Variants in SYNE2 observed in about 807,000 individuals in gnomAD.
The protein encoded by SYNE2 is spectrin repeat containing nuclear envelope protein 2.
SYNE2 carries 431 observed loss-of-function variants against 856.3 expected under a neutral mutation model. The ratio of observed to expected loss-of-function variants is 0.50; its 90% CI spans 0.47 to 0.55. SYNE2 has a LOEUF of 0.55. SYNE2 is among the 20% of genes least tolerant of loss of function. The probability of loss-of-function intolerance (pLI) is 0.00; values close to 1 mark genes in which losing one functional copy is unlikely to be tolerated. For missense variants in SYNE2, 8,129 were observed against 8,023.2 expected, an observed-to-expected ratio of 1.01 and a Z score of -0.50; for synonymous variants, 2,923 against 2,872.3, an observed-to-expected ratio of 1.02 and a Z score of -0.56.
chr14:64,210,240 G>A, intron 103 of SYNE2, 116 bp downstream of exon 103: 1 of 1,341,886 alleles, frequency 7.5e-7, no homozygotes, highest in Non-Finnish European at 1.0e-6. Context: ...TCAGGCCTGA[G>A]CTGTTTTAAC....
chr14:63,938,264 T>C (rs137973271), intron 2 of SYNE2, among the ~76,000 whole-genome samples: 1 of 152,110 alleles, frequency 6.6e-6, no homozygotes, highest in African/African-American at 2.4e-5. Context: ...GAGACCAGCC[T>C]GGGTAACGTG....
chr14:64,026,476 C>A, intron 41 of SYNE2, 103 bp from the exon 42 acceptor site: 2 of 891,796 alleles, frequency 2.2e-6, no homozygotes, highest in South Asian at 2.9e-5. Flanking sequence ...TGAAATATAC[C>A]CTACAGATAG....
rs1280041047 is a variant in SYNE2 at position 64,099,244 on chromosome 14, G to C, written c.12381+423G>C. On this transcript the variant is annotated intron_variant, in intron 63 of 115. Coordinates refer to ENST00000555002, the MANE Select transcript of SYNE2 (RefSeq NM_182914.3). ...TGTTAGCAAGTAATACTAAGAATTT[G>C]TACTACTTGATTATAACTGGTTGAA... 3.3e-5 allele frequency: 7 copies of C among 211,292 alleles called. No homozygotes were observed. The East Asian group carries it at 8.8e-4, about 27-fold the overall frequency. The allele number at this position is 211,292 out of a possible 1,614,324, so 13.1% of individuals were successfully genotyped here.
intron 96 of SYNE2, among the ~76,000 whole-genome samples, chr14:64,183,598 C>G (rs568032107): frequency 2.6e-4 from 39 of 152,302 alleles, no homozygotes; most frequent in African/African-American, 8.2e-4. Context: ...GAGCCGAGAT[C>G]ACGCCACTGC....
intron 82 of SYNE2, among the ~76,000 whole-genome samples, chr14:64,143,414 C>T (rs990792521): frequency 7.9e-5 from 12 of 152,262 alleles, no homozygotes; most frequent in East Asian, 1.9e-4. Flanking sequence ...TGGTTGTTTC[C>T]GTGAGCCCTC....
chr14:63,936,889 G>A (rs1042649713), intron 2 of SYNE2, among the ~76,000 whole-genome samples: 1 of 152,118 alleles, frequency 6.6e-6, no homozygotes, highest in Non-Finnish European at 1.5e-5. Flanking sequence ...GTGGTGAGAA[G>A]TGGTCATATC....
intron 1 of SYNE2, among the ~76,000 whole-genome samples, chr14:63,826,106 A>G (rs1225299441): frequency 6.6e-6 from 1 of 152,180 alleles, no homozygotes. Flanking sequence ...GAAAAAAAGT[A>G]ACTAAGTTGG....
At position 64,190,123 on chromosome 14, in the gene SYNE2, A is replaced by G; in HGVS notation, c.17924A>G (p.Gln5975Arg). The G allele has an allele frequency of 5.6e-6, 9 of 1,614,214 alleles. No homozygotes were observed. The highest frequency in any genetic ancestry group is 1.3e-5 in the African/African-American group (1 of 75,050). The part of the protein sequence containing the change: ...LFSENKLQLK[Q>R]MGDQLIKASN... ...AGTGAAAACAAGTTACAGTTAAAGC[A>G]GATGGGTGACCAGTTGATCAAGGCC... Residue 5975 changes from glutamine to arginine, a missense_variant, in exon 99 of 116, where the codon CAG becomes CGG. Physicochemically the swap from Gln to Arg is conservative, Grantham distance 43. This residue lies in a region of SYNE2 where 5,410 missense variants were observed against 5,284.8 expected (regional missense o/e 1.02). Coordinates refer to ENST00000555002, the MANE Select transcript of SYNE2 (RefSeq NM_182914.3).
At chr14:63,774,829 A>G (rs1887052189) in intron 1 of SYNE2, among the ~76,000 whole-genome samples, 1 of 152,172 alleles carries the variant, frequency 6.6e-6, no homozygotes, top group South Asian at 2.1e-4. Flanking sequence ...AGTTTAAGCC[A>G]TTTAATGAAA....
chr14:63,927,894 A>G (rs1028660865), intron 2 of SYNE2, among the ~76,000 whole-genome samples: 5 of 152,004 alleles, frequency 3.3e-5, no homozygotes, highest in African/African-American at 1.2e-4. Flanking sequence ...TCCATCTGAA[A>G]AAAAAAAACA....
intron 52 of SYNE2, among the ~76,000 whole-genome samples, chr14:64,073,030 GGA>G (rs1186360989): frequency 6.6e-6 from 1 of 152,156 alleles, no homozygotes; most frequent in Non-Finnish European, 1.5e-5. Flanking sequence ...TCTAGGTGGT[GGA>G]ACCCCCAGGC....
At chr14:64,128,592 A>G in intron 74 of SYNE2, 39 bp downstream of exon 74, 1 of 1,272,022 alleles carries the variant, frequency 7.9e-7, no homozygotes, top group Non-Finnish European at 1.2e-6. Flanking sequence ...CTTAACTTTG[A>G]ACCACAGAGC....
chr14:64,056,543 A>G (rs2097271052), intron 49 of SYNE2, among the ~76,000 whole-genome samples: 1 of 152,070 alleles, frequency 6.6e-6, no homozygotes, highest in African/African-American at 2.4e-5. Context: ...GCATGGTATA[A>G]GTAATAATGA....
At chr14:63,818,031 A>AC (rs1889065152) in intron 1 of SYNE2, among the ~76,000 whole-genome samples, 1 of 147,718 alleles carries the variant, frequency 6.8e-6, no homozygotes, top group African/African-American at 2.5e-5. Context: ...TCTCAAAAAA[A>AC]AAAAAAAAAA....
rs994944861 is a variant in SYNE2 at position 64,051,709 on chromosome 14, A to G, written c.7796A>G (p.Gln2599Arg). The G allele has an allele frequency of 1.9e-6, 3 of 1,614,266 alleles. No homozygotes were observed. The highest frequency in any genetic ancestry group is 2.5e-6 in the Non-Finnish European group (3 of 1,180,042). Reference protein sequence around the residue: ...TDMDKKLLESQIKQLEHGWEQ... With the variant: ...TDMDKKLLESRIKQLEHGWEQ... ...ATGGATAAGAAATTGTTGGAAAGCC[A>G]GATTAAGCAACTTGAACATGGTTGG... is the stretch of plus-strand genomic sequence containing the variant. Residue 2599 changes from glutamine to arginine, a missense_variant, in exon 48 of 116, where the codon CAG (glutamine) becomes CGG (arginine). Gln to Arg is a conservative substitution (Grantham distance 43). Coordinates refer to ENST00000555002, the MANE Select transcript of SYNE2 (RefSeq NM_182914.3).
At chr14:64,183,759 T>G (rs530158190) in intron 96 of SYNE2, among the ~76,000 whole-genome samples, 22 of 151,982 alleles carry the variant, frequency 1.4e-4, no homozygotes, top group Admixed American at 1.2e-3. Context: ...ACCAAAAAAA[T>G]ACGAAAACCA....
At chr14:63,857,777 T>C (rs888416236) in intron 1 of SYNE2, among the ~76,000 whole-genome samples, 1 of 152,228 alleles carries the variant, frequency 6.6e-6, no homozygotes, top group African/African-American at 2.4e-5. Flanking sequence ...AAGTGTCTAC[T>C]CAAATTTTTT....
intron 11 of SYNE2, among the ~76,000 whole-genome samples, chr14:63,969,930 A>C (rs1203918821): frequency 1.3e-5 from 2 of 152,162 alleles, no homozygotes; most frequent in Non-Finnish European, 2.9e-5. Context: ...TTGTGTGTAC[A>C]TGCTTATGAT....
intron 101 of SYNE2, 96 bp downstream of exon 101, chr14:64,209,041 C>T (rs1292757879): frequency 7.0e-7 from 1 of 1,431,566 alleles, no homozygotes; most frequent in Non-Finnish European, 9.6e-7. Flanking sequence ...GTTCATTTCA[C>T]TTAGAAATGC....
Sources: gnomAD v4.1 joint callset for allele counts (sites outside exome capture counted in the v4.1 genomes callset) on GRCh38, gnomAD v4.1.1 for gene constraint, gnomAD v4.1.1 regional missense constraint, MANE v1.5 for transcripts, NCBI Gene and HGNC (gene_info 2026-07-23, HGNC 2026-07-21) for gene names.